VWA5B2: variants seen among roughly 807,000 people sequenced by gnomAD.
VWA5B2 encodes von Willebrand factor A domain containing 5B2, also known as von Willebrand factor A domain-containing protein 5B2.
Under a neutral mutation model 118.5 loss-of-function variants are expected in VWA5B2, and 93 were observed. That is an observed-to-expected ratio of 0.79 (90% CI 0.66 to 0.93). The LOEUF (loss-of-function observed/expected upper bound fraction) is 0.93, where lower values mean the gene tolerates loss of function less well. Ranked by LOEUF, VWA5B2 falls within the 40% of genes least tolerant of loss-of-function variation. The pLI, the probability that VWA5B2 is intolerant of heterozygous loss-of-function variation, is 0.00. For synonymous variants in VWA5B2, 708 were observed against 716.3 expected (o/e 0.99, Z 0.19); for missense variants, 1,546 against 1,672.8 (o/e 0.92, Z 1.32).
rs1577091257 is a variant in VWA5B2, at chr3:184,237,131, G to A, written c.1534-95G>A. On this transcript the variant is annotated intron_variant, in intron 11 of 19. Transcript: ENST00000691901. The surrounding 1 kb of genome is among the most constrained non-coding windows in gnomAD (Gnocchi z 5.6). ...TGTGCCCCATCAGCTTAGGGGCTGG[G>A]CAGATGGCATCAGGGGAAGGGCAGC... 1 of 1,382,186 alleles carries A rather than the reference G, an allele frequency of 7.2e-7. No individual in the cohort carries two copies. Among genetic ancestry groups the A allele is most frequent in the Non-Finnish European group, 9.8e-7 (1 of 1,018,066 alleles). The allele number at this position is 1,382,186 out of a possible 1,614,324, so 85.6% of individuals were successfully genotyped here. A position where few individuals can be genotyped will look rare whatever the true frequency, so the allele number is the denominator to read the frequency against.
chr3:184,238,923 T>C lies in VWA5B2; in HGVS notation c.2202+50T>C, dbSNP rs1718280021. ...GCCTTGTATCCAGCAAATATTTATT[T>C]ACCACCTGCTGTGCACCAGATATTA... On this transcript the variant is annotated intron_variant, in intron 14 of 19. Coordinates refer to ENST00000691901, the MANE Select transcript of VWA5B2 (RefSeq NM_001390846.1). The surrounding 1 kb of genome is among the most constrained non-coding windows in gnomAD (Gnocchi z 5.0). 1 of 1,430,194 alleles carries C rather than the reference T, an allele frequency of 7.0e-7. No homozygotes were observed. Among genetic ancestry groups the C allele is most frequent in the Admixed American group, 2.8e-5 (1 of 36,194 alleles). 88.6% of individuals were successfully genotyped at this position (1,430,194 alleles called of 1,614,324 possible).
In VWA5B2 at chr3:184,236,436, C is replaced by G; in HGVS notation, c.1306C>G (p.Gln436Glu). The change falls in exon 10 of 20, where the codon CAG becomes GAG. Residue 436 changes from glutamine (Q) to glutamate (E), a missense_variant. Transcript: ENST00000691901. ...GGCTGCTCTGGACTGGGCCGTGGGGCAGCCCCAGCACAGGGCCTACCCTCG... is the reference window on the plus strand; with the variant it reads ...GGCTGCTCTGGACTGGGCCGTGGGGGAGCCCCAGCACAGGGCCTACCCTCG... Reference protein sequence around the residue: ...VLAALDWAVGQPQHRAYPRQL... With the variant: ...VLAALDWAVGEPQHRAYPRQL... 2 of 1,546,808 alleles carry G rather than the reference C, an allele frequency of 1.3e-6. No homozygotes were observed. Among genetic ancestry groups the G allele is most frequent in the Non-Finnish European group, 1.7e-6 (2 of 1,146,758 alleles).
At chr3:184,234,527 G>C in intron 6 of VWA5B2, 104 bp from the exon 7 acceptor site, 1 of 1,522,086 alleles carries the variant, frequency 6.6e-7, no homozygotes, top group Admixed American at 2.0e-5. Context: ...AGAGCCTGTG[G>C]TGCAGGAAGG....
In VWA5B2 at chr3:184,238,387, G is replaced by A. The variant is rs1435331105; in HGVS notation, c.1804G>A (p.Glu602Lys). ...CCCGTCTGCTGCCAGCCCTGGCACT[G>A]AGCCCACTGGCACCTCAGAGCCACT... ...EAPSAASPGT[E>K]PTGTSEPLGT... Residue 602 changes from glutamate to lysine, a missense_variant, in exon 13 of 20, where the codon GAG becomes AAG. By Grantham distance (56) the Glu-to-Lys change is moderately conservative (BLOSUM62 1). Coordinates refer to ENST00000691901, the MANE Select transcript of VWA5B2 (RefSeq NM_001390846.1). This position sits in a 1 kb window ranked among gnomAD's most constrained non-coding sequence, Gnocchi z 5.0. 1 of 1,550,728 alleles carries A rather than the reference G, an allele frequency of 6.4e-7. No individual in the cohort carries two copies. The highest frequency in any genetic ancestry group is 8.7e-7 in the Non-Finnish European group (1 of 1,146,850).
In VWA5B2 at chr3:184,239,538, A is replaced by C; in HGVS notation, c.2347A>C (p.Ser783Arg). Residue 783 changes from serine (S) to arginine (R), a missense_variant, in exon 15 of 20, where the codon AGT becomes CGT. Ser to Arg is a moderately radical substitution (Grantham distance 110). This residue lies in a region of VWA5B2 where 763 missense variants were observed against 766.6 expected (regional missense o/e 1.00). Transcript: ENST00000691901. The surrounding 1 kb of genome is among the most constrained non-coding windows in gnomAD (Gnocchi z 5.1). ...TTTGGGTGCAATACTAGATGGCCCAAGTCCTGAGCCAGGCCAACAGTTGGG... is the reference window on the plus strand; with the variant it reads ...TTTGGGTGCAATACTAGATGGCCCACGTCCTGAGCCAGGCCAACAGTTGGG... ...PSLGAILDGP[S>R]PEPGQQLGQG... The C allele has an allele frequency of 6.5e-7, 1 of 1,542,732 alleles. No individual in the cohort carries two copies. Among genetic ancestry groups the C allele is most frequent in the Non-Finnish European group, 8.8e-7 (1 of 1,140,902 alleles).
intron 3 of VWA5B2, among the ~76,000 whole-genome samples, chr3:184,232,045 T>G (rs1344514031): frequency 6.6e-6 from 1 of 152,168 alleles, no homozygotes; most frequent in African/African-American, 2.4e-5. Context: ...AAATATCTCA[T>G]GTTTATAGTG....
At chr3:184,232,871 G>A (rs1577085931) in intron 3 of VWA5B2, 2 of 426,908 alleles carry the variant, frequency 4.7e-6, no homozygotes, top group East Asian at 4.3e-5. Context: ...CAGGGGGAGA[G>A]GGGCAGAGGG....
Position 184,234,250 on chromosome 3 carries a change from C to T in VWA5B2, c.689-16C>T, listed in dbSNP as rs1717720201. ...GTTATGGCTACATCTCCCCTTCCTG[C>T]CTCTATGTCCCTCAGGCCTGGAGAG... On this transcript the variant is annotated splice_polypyrimidine_tract_variant and intron_variant, in intron 5 of 19. Transcript: ENST00000691901. The T allele has an allele frequency of 1.9e-6, 3 of 1,550,854 alleles. No homozygotes were observed. Among genetic ancestry groups the T allele is most frequent in the East Asian group, 2.4e-5 (1 of 40,888 alleles).
rs978025906 is a variant in VWA5B2 at position 184,242,251 on chromosome 3, CCT to C, written c.*216_*217del. On this transcript the variant is annotated 3_prime_UTR_variant, in exon 20 of 20. Coordinates refer to ENST00000691901, the MANE Select transcript of VWA5B2 (RefSeq NM_001390846.1). ...CCACCCCACTCACACTCCCCTCCAT[CCT>C]CTGAGCTCCCTGCAACACAGTGGAA... is the stretch of plus-strand genomic sequence containing the variant. The C allele has an allele frequency of 1.2e-5, 9 of 736,948 alleles. No individual in the cohort carries two copies. The African/African-American group carries it at 1.6e-4, about 13-fold the overall frequency. The allele number at this position is 736,948 out of a possible 1,614,324, so 45.7% of individuals were successfully genotyped here.
Position 184,234,770 on chromosome 3 carries a change from GCCTGGCCTGGCC to G in VWA5B2, c.945+24_945+35del, listed in dbSNP as rs773843419. 7 of 1,550,790 alleles carry G rather than the reference GCCTGGCCTGGCC, an allele frequency of 4.5e-6. No individual in the cohort carries two copies. In the South Asian group the frequency reaches 7.1e-5, roughly 16 times the overall value. On this transcript the variant is annotated intron_variant, in intron 7 of 19. Coordinates refer to ENST00000691901, the MANE Select transcript of VWA5B2 (RefSeq NM_001390846.1). ...GGGACCGGCAGGTACCGCCATAGGA[GCCTGGCCTGGCC>G]CCTGGCCTTGGCTGCATTTGTGCAC...
chr3:184,235,193 T>C lies in VWA5B2; in HGVS notation c.986T>C (p.Leu329Pro), dbSNP rs1717837972. ...CGACGCTTCCACAAGGACATCCTGC[T>C]GAACCCCGTGCTGGCGCTGAGCTTC... ...LQRRFHKDIL[L>P]NPVLALSFCP... The change falls in exon 8 of 20, where the codon CTG becomes CCG. Residue 329 changes from leucine to proline, a missense_variant. Physicochemically the swap from Leu to Pro is moderately conservative, Grantham distance 98 (BLOSUM62 -3). This residue lies in a region of VWA5B2 where 775 missense variants were observed against 882.3 expected (regional missense o/e 0.88). Coordinates refer to ENST00000691901, the MANE Select transcript of VWA5B2 (RefSeq NM_001390846.1). 1 of 1,551,612 alleles carries C rather than the reference T, an allele frequency of 6.4e-7. No individual in the cohort carries two copies. The highest frequency in any genetic ancestry group is 8.7e-7 in the Non-Finnish European group (1 of 1,146,990).
At chr3:184,236,845 C>T (rs1046708940) in intron 11 of VWA5B2, 96 bp downstream of exon 11, 10 of 1,081,178 alleles carry the variant, frequency 9.2e-6, no homozygotes, top group Admixed American at 8.6e-5. Context: ...GCCATGGGGG[C>T]TCCTGGCGCC....
rs1402727308 is a variant in VWA5B2, at chr3:184,236,339, C to T, written c.1213-4C>T. ...GCGTCCCAGCCTGTGCCTTCTCGCT[C>T]CAGGATGCTGTGCAGCTGATCTGCG... is the stretch of plus-strand genomic sequence containing the variant. On this transcript the variant is annotated splice_region_variant and splice_polypyrimidine_tract_variant and intron_variant, in intron 9 of 19. Coordinates refer to ENST00000691901, the MANE Select transcript of VWA5B2 (RefSeq NM_001390846.1). 5 of 1,548,440 alleles carry T rather than the reference C, an allele frequency of 3.2e-6. No homozygotes were observed. The African/African-American group carries it at 5.5e-5, about 17-fold the overall frequency.
At chr3:184,240,718 T>A in intron 16 of VWA5B2, 73 bp from the exon 17 acceptor site, 1 of 1,519,530 alleles carries the variant, frequency 6.6e-7, no homozygotes, top group Non-Finnish European at 8.8e-7. Context: ...GGGAGAACAC[T>A]GCAATTTTTT....
chr3:184,234,686 TG>T lies in VWA5B2; in HGVS notation c.877del (p.Glu293ArgfsTer4). On this transcript the variant is annotated frameshift_variant, in exon 7 of 20. Transcript: ENST00000691901. LOFTEE classifies it high-confidence loss of function. ...EGGSLSSAEY[E>X]ARVRARRDFQ... ...GCGGCAGCCTGAGCTCAGCAGAATA[TG>T]AGGCCCGGGTGAGGGCCCGCCGAGA... 6.4e-7 allele frequency: 1 copy of T among 1,551,168 alleles called. No individual in the cohort carries two copies. Among genetic ancestry groups the T allele is most frequent in the Non-Finnish European group, 8.7e-7 (1 of 1,146,988 alleles).
In VWA5B2 at chr3:184,237,088, C is replaced by T. The variant is rs528257068; in HGVS notation, c.1534-138C>T. ...CTTGCTCCTACCCTCATTCCTTCTC[C>T]TGACCCCAGCCTGGCCCTGTGCCCC... On this transcript the variant is annotated intron_variant, in intron 11 of 19. Coordinates refer to ENST00000691901, the MANE Select transcript of VWA5B2 (RefSeq NM_001390846.1). The surrounding 1 kb of genome is among the most constrained non-coding windows in gnomAD (Gnocchi z 5.6). 3 of 969,132 alleles carry T rather than the reference C, an allele frequency of 3.1e-6. No individual in the cohort carries two copies. The South Asian group carries it at 4.9e-5, about 16-fold the overall frequency. The allele number at this position is 969,132 out of a possible 1,614,324, so 60.0% of individuals were successfully genotyped here.
Position 184,242,007 on chromosome 3 carries a change from A to T in VWA5B2, c.3698A>T (p.His1233Leu). 1 of 1,550,226 alleles carries T rather than the reference A, an allele frequency of 6.5e-7. No individual in the cohort carries two copies. The highest frequency in any genetic ancestry group is 8.7e-7 in the Non-Finnish European group (1 of 1,146,940). ...LRHWDQNLQL[H>L]LLCYSPANV ...CACTGGGACCAAAACCTGCAGCTAC[A>T]CCTGCTGTGCTACAGCCCAGCGAAC... Residue 1233 changes from histidine (H) to leucine (L), a missense_variant, in exon 20 of 20, where the codon CAC becomes CTC. By Grantham distance (99) the His-to-Leu change is moderately conservative. Coordinates refer to ENST00000691901, the MANE Select transcript of VWA5B2 (RefSeq NM_001390846.1).
rs1217640393 is a variant in VWA5B2 at position 184,236,376 on chromosome 3, A to G, written c.1246A>G (p.Thr416Ala). The G allele has an allele frequency of 6.5e-7, 1 of 1,546,668 alleles. No individual in the cohort carries two copies. Among genetic ancestry groups the G allele is most frequent in the East Asian group, 2.5e-5 (1 of 40,766 alleles). ...AVQLICESIE[T>A]LQVPSGPPDV... ...GCAGCTGATCTGCGAGAGCATTGAG[A>G]CCCTGCAGGTTCCGAGTGGGCCCCC... The change falls in exon 10 of 20, where the codon ACC (threonine) becomes GCC (alanine). Residue 416 changes from threonine (T) to alanine (A), a missense_variant. This residue lies in a region of VWA5B2 where 775 missense variants were observed against 882.3 expected (regional missense o/e 0.88). Transcript: ENST00000691901.
At position 184,233,738 on chromosome 3, in the gene VWA5B2, G is replaced by T. The variant is rs1717658953; in HGVS notation, c.688+5G>T. 3.2e-6 allele frequency: 5 copies of T among 1,549,876 alleles called. No homozygotes were observed. Among genetic ancestry groups the T allele is most frequent in the Non-Finnish European group, 4.4e-6 (5 of 1,146,828 alleles). On this transcript the variant is annotated splice_donor_5th_base_variant and intron_variant, in intron 5 of 19. Transcript: ENST00000691901. This position sits in a 1 kb window ranked among gnomAD's most constrained non-coding sequence, Gnocchi z 5.2. Reference sequence around the variant, plus strand: ...CTGGGCCATGCCTGCTTGCAGGTGGGTGCATCTGGCTGGCCTGCCCTCTTT... The same window carrying T: ...CTGGGCCATGCCTGCTTGCAGGTGGTTGCATCTGGCTGGCCTGCCCTCTTT...
Sources: gnomAD v4.1 joint callset for allele counts (sites outside exome capture counted in the v4.1 genomes callset) on GRCh38, gnomAD v4.1.1 for gene constraint, gnomAD v4.1.1 regional missense constraint, Gnocchi (gnomAD v3.1) non-coding constraint, MANE v1.5 for transcripts, NCBI Gene and HGNC (gene_info 2026-07-23, HGNC 2026-07-21) for gene names.